Variants in ARHGAP27 observed in about 807,000 individuals in gnomAD.
The protein encoded by ARHGAP27 is Rho GTPase activating protein 27, also known as rho GTPase-activating protein 27.
ARHGAP27 carries 53 observed loss-of-function variants against 102.0 expected under a neutral mutation model. That is an observed-to-expected ratio of 0.52 (90% CI 0.42 to 0.65). The LOEUF (loss-of-function observed/expected upper bound fraction) is 0.65, where lower values mean the gene tolerates loss of function less well. ARHGAP27 is among the 30% of genes least tolerant of loss of function. The pLI is 0.00. For synonymous variants in ARHGAP27, 525 were observed against 542.8 expected, an observed-to-expected ratio of 0.97 and a Z score of 0.46; for missense variants, 1,117 against 1,256.2, an observed-to-expected ratio of 0.89 and a Z score of 1.68.
chr17:45,423,944 A>G (rs374055849), intron 4 of ARHGAP27, among the ~76,000 whole-genome samples: 187 of 152,350 alleles, frequency 1.2e-3, no homozygotes, highest in African/African-American at 4.4e-3. Context: ...CTATTTTTAT[A>G]GGGAGGGAAT....
chr17:45,416,930 G>A (rs1383915559), intron 4 of ARHGAP27, among the ~76,000 whole-genome samples: 30 of 149,560 alleles, frequency 2.0e-4, no homozygotes, highest in African/African-American at 6.4e-4. Flanking sequence ...TGGGGCAGGC[G>A]GATCACCTGA....
intron 9 of ARHGAP27, 27 bp from the exon 10 acceptor site, chr17:45,404,123 C>T (rs1281805184): frequency 1.2e-6 from 2 of 1,613,638 alleles, no homozygotes; most frequent in African/African-American, 1.3e-5. Context: ...AGAGCAGGCG[C>T]AAGAGTGTGT....
In ARHGAP27 at chr17:45,429,974, C is replaced by G; in HGVS notation, c.306G>C (p.Ala102=). Residue 102 remains alanine (A), a synonymous_variant, in exon 4 of 20, where the codon GCG becomes GCC. Transcript: ENST00000685559. ...AYDYRFVSAA[A]TAGPDGAPEE... Reference sequence around the variant, plus strand: ...CGGGGGCGCCGTCGGGGCCCGCGGTCGCCGCCGCGCTCACAAACCGGTAGT... The same window carrying G: ...CGGGGGCGCCGTCGGGGCCCGCGGTGGCCGCCGCGCTCACAAACCGGTAGT... 1.7e-6 allele frequency: 2 copies of G among 1,147,860 alleles called. No homozygotes were observed. Among genetic ancestry groups the G allele is most frequent in the Non-Finnish European group, 1.1e-6 (1 of 935,918 alleles). The allele number at this position is 1,147,860 out of a possible 1,614,324, so 71.1% of individuals were successfully genotyped here.
chr17:45,394,662 G>A lies in ARHGAP27; in HGVS notation c.*794C>T, dbSNP rs1197707674. On this transcript the variant is annotated 3_prime_UTR_variant, in exon 20 of 20. Transcript: ENST00000685559. The stretch of plus-strand genomic sequence containing the variant: ...TCTGGTGTGGGAGGAGCCTTTTCTG[G>A]GGAATGAGGTCACTCACTGGACCTT... 1 of 152,318 alleles carries A rather than the reference G, an allele frequency of 6.6e-6. No individual in the cohort carries two copies. Among genetic ancestry groups the A allele is most frequent in the Non-Finnish European group, 1.5e-5 (1 of 68,114 alleles). 9.4% of individuals were successfully genotyped at this position (152,318 alleles called of 1,614,324 possible).
Position 45,395,618 on chromosome 17 carries a change from G to T in ARHGAP27, c.2508C>A (p.Gly836=). Residue 836 remains glycine (G), a synonymous_variant, in exon 20 of 20, where the codon GGC becomes GGA. Transcript: ENST00000685559. ...TCTGCACCGACATGCGGTTCTGCTC[G>T]CCGTGCTCGATCACCCTGTGGCAGG... ...FQHLCRVIEH[G]EQNRMSVQSV... is the part of the protein sequence containing the mutation. 1 of 1,605,996 alleles carries T rather than the reference G, an allele frequency of 6.2e-7. No individual in the cohort carries two copies. Among genetic ancestry groups the T allele is most frequent in the East Asian group, 2.2e-5 (1 of 44,534 alleles).
chr17:45,395,224 A>T lies in ARHGAP27; in HGVS notation c.*232T>A. The T allele has an allele frequency of 1.7e-6, 1 of 588,642 alleles. No homozygotes were observed. The highest frequency in any genetic ancestry group is 2.9e-5 in the East Asian group (1 of 34,236). The allele number at this position is 588,642 out of a possible 1,614,324, so 36.5% of individuals were successfully genotyped here. A position where few individuals can be genotyped will look rare whatever the true frequency, so the allele number is the denominator to read the frequency against. ...GAAAAAACCGAATTAACCCCCAAAC[A>T]GGACGTGACGGGAAGGGAAGGGGGG... On this transcript the variant is annotated 3_prime_UTR_variant, in exon 20 of 20. Coordinates refer to ENST00000685559, the MANE Select transcript of ARHGAP27 (RefSeq NM_001282290.2).
Position 45,396,091 on chromosome 17 carries a change from G to A in ARHGAP27, c.2278C>T (p.Arg760Cys), listed in dbSNP as rs2045616212. ...HDERLDLDDG[R>C]WEDVHVITGA... ...GTGATAACGTGGACGTCCTCCCAGC[G>A]CCCGTCATCCAGGTCAAGGCGCTCA... Residue 760 changes from arginine (R) to cysteine (C), a missense_variant, in exon 18 of 20, where the codon CGC (arginine) becomes TGC (cysteine). Around this residue, in one of 3 missense-constraint regions of ARHGAP27, gnomAD observed 493 missense variants for 505.5 expected, o/e 0.98. Coordinates refer to ENST00000685559, the MANE Select transcript of ARHGAP27 (RefSeq NM_001282290.2). 1 of 1,613,384 alleles carries A rather than the reference G, an allele frequency of 6.2e-7. No individual in the cohort carries two copies. The highest frequency in any genetic ancestry group is 1.3e-5 in the African/African-American group (1 of 75,042).
At chr17:45,424,150 G>A (rs1368390758) in intron 4 of ARHGAP27, among the ~76,000 whole-genome samples, 7 of 152,224 alleles carry the variant, frequency 4.6e-5, no homozygotes. Flanking sequence ...AGAGGGCAAG[G>A]AGGCAGGGTG....
chr17:45,425,082 A>G (rs571148372), intron 4 of ARHGAP27, among the ~76,000 whole-genome samples: 108 of 152,140 alleles, frequency 7.1e-4, no homozygotes, highest in African/African-American at 2.5e-3. Flanking sequence ...GGGAGATCCA[A>G]GAAGCTGCTG....
chr17:45,420,680 C>T (rs1472805157), intron 4 of ARHGAP27, among the ~76,000 whole-genome samples: 2 of 152,080 alleles, frequency 1.3e-5, no homozygotes, highest in Admixed American at 6.5e-5. Flanking sequence ...TTTGGCCGGG[C>T]GCAGTGGCTC....
At chr17:45,410,058 T>A in intron 4 of ARHGAP27, 1 of 796,012 alleles carries the variant, frequency 1.3e-6, no homozygotes, top group South Asian at 1.8e-5. Flanking sequence ...CCTGCCACTC[T>A]TGCCCCAAGC....
chr17:45,410,194 A>G, intron 4 of ARHGAP27: 1 of 1,531,676 alleles, frequency 6.5e-7, no homozygotes, highest in Non-Finnish European at 8.7e-7. Context: ...CTTGTGGTAG[A>G]GGCCCACCGG....
chr17:45,430,249 C>T lies in ARHGAP27; in HGVS notation c.31G>A (p.Val11Met), dbSNP rs768356099. ...TACTCGAAGGGGTGCTCCACCAGCA[C>T]GTACACGTCCCCCACCACGTCCGCC... MAADVVGDVY[V>M]LVEHPFEYTG... The change falls in exon 4 of 20, where the codon GTG becomes ATG. Residue 11 changes from valine (V) to methionine (M), a missense_variant. Physicochemically the swap from Val to Met is conservative, Grantham distance 21 (BLOSUM62 1). This residue lies in a region of ARHGAP27 where 610 missense variants were observed against 716.4 expected (regional missense o/e 0.85). Transcript: ENST00000685559. The surrounding 1 kb of genome is among the most constrained non-coding windows in gnomAD (Gnocchi z 4.4). The T allele has an allele frequency of 7.6e-6, 12 of 1,578,080 alleles. No individual in the cohort carries two copies. The highest frequency in any genetic ancestry group is 9.4e-6 in the Non-Finnish European group (11 of 1,170,624).
chr17:45,395,450 C>T lies in ARHGAP27; in HGVS notation c.*6G>A. The T allele has an allele frequency of 6.4e-7, 1 of 1,560,286 alleles. No individual in the cohort carries two copies. Among genetic ancestry groups the T allele is most frequent in the Non-Finnish European group, 8.7e-7 (1 of 1,152,146 alleles). On this transcript the variant is annotated 3_prime_UTR_variant, in exon 20 of 20. Transcript: ENST00000685559. Reference sequence around the variant, plus strand: ...CGCGGCCGCCGCCCCAGTCACAGGCCAGCAGTCAGTGCGGCGGGAAGATGT... The same window carrying T: ...CGCGGCCGCCGCCCCAGTCACAGGCTAGCAGTCAGTGCGGCGGGAAGATGT...
chr17:45,416,620 C>T (rs1284708200), intron 4 of ARHGAP27, among the ~76,000 whole-genome samples: 5 of 151,334 alleles, frequency 3.3e-5, no homozygotes, highest in Non-Finnish European at 7.4e-5. Context: ...GCAATCTTGA[C>T]TCACTGCAAC....
At chr17:45,406,856 A>C (rs1233096658) in intron 4 of ARHGAP27, among the ~76,000 whole-genome samples, 1 of 152,142 alleles carries the variant, frequency 6.6e-6, no homozygotes, top group African/African-American at 2.4e-5. Context: ...TTGGGGACTG[A>C]ACTTTCCAAG....
At chr17:45,423,430 G>A (rs563417507) in intron 4 of ARHGAP27, among the ~76,000 whole-genome samples, 72 of 152,206 alleles carry the variant, frequency 4.7e-4, no homozygotes, top group African/African-American at 1.3e-3. Context: ...AAAGGCACCC[G>A]GTCCAGAGGG....
rs1353321413 is a variant in ARHGAP27 at position 45,396,671 on chromosome 17, T to C, written c.2071A>G (p.Lys691Glu). Residue 691 changes from lysine (K) to glutamate (E), a missense_variant, in exon 15 of 20, where the codon AAA becomes GAA. By Grantham distance (56) the Lys-to-Glu change is moderately conservative. This residue lies in a region of ARHGAP27 where 493 missense variants were observed against 505.5 expected (regional missense o/e 0.98). Transcript: ENST00000685559. ...LQSLREKGYI[K>E]DQVFGCALAA... ...GCCCCCCGCAGGCCTCGGGTACCTTTGATGTAGCCCTTCTCCCGCAGCGAC... is the reference window on the plus strand; with the variant it reads ...GCCCCCCGCAGGCCTCGGGTACCTTCGATGTAGCCCTTCTCCCGCAGCGAC... 2 of 1,613,684 alleles carry C rather than the reference T, an allele frequency of 1.2e-6. No individual in the cohort carries two copies. The highest frequency in any genetic ancestry group is 1.3e-5 in the African/African-American group (1 of 75,026).
At chr17:45,432,617 G>A (rs1229674281) in intron 1 of ARHGAP27, 135 bp downstream of exon 1, 1 of 151,960 alleles carries the variant, frequency 6.6e-6, no homozygotes. Context: ...GAGCAGGCGC[G>A]CGGAGCTCCC....
Sources: gnomAD v4.1 joint callset for allele counts (sites outside exome capture counted in the v4.1 genomes callset) on GRCh38, gnomAD v4.1.1 for gene constraint, gnomAD v4.1.1 regional missense constraint, Gnocchi (gnomAD v3.1) non-coding constraint, MANE v1.5 for transcripts, NCBI Gene and HGNC (gene_info 2026-07-23, HGNC 2026-07-21) for gene names.